Variants in DTNBP1 observed in about 807,000 individuals in gnomAD.
The protein encoded by DTNBP1 is dysbindin.
A neutral mutation model predicts 42.8 loss-of-function variants in DTNBP1; 35 were observed. The observed-to-expected ratio is 0.82, with a 90% CI of 0.63 to 1.09. DTNBP1 has a LOEUF of 1.09. Ranked by LOEUF, DTNBP1 falls within the 50% of genes least tolerant of loss-of-function variation. The probability of loss-of-function intolerance (pLI) is 0.00; values close to 1 mark genes in which losing one functional copy is unlikely to be tolerated. For missense variants in DTNBP1, 457 were observed against 424.2 expected (o/e 1.08, Z -0.68); for synonymous variants, 171 against 162.2 (o/e 1.05, Z -0.41).
At chr6:15,541,829 A>T (rs1397336847) in intron 7 of DTNBP1, among the ~76,000 whole-genome samples, 2 of 152,234 alleles carry the variant, frequency 1.3e-5, no homozygotes, top group African/African-American at 4.8e-5. Flanking sequence ...AGTTCATTTC[A>T]GGAACATATT....
chr6:15,524,121 G>A, intron 9 of DTNBP1: 1 of 1,358,764 alleles, frequency 7.4e-7, no homozygotes, highest in Non-Finnish European at 9.7e-7. Context: ...TTTGCCCATG[G>A]CAGGCACGCC....
chr6:15,652,412 C>T (rs901162773), intron 1 of DTNBP1, among the ~76,000 whole-genome samples: 2 of 151,988 alleles, frequency 1.3e-5, no homozygotes, highest in African/African-American at 4.8e-5. Context: ...ATACCCCATG[C>T]CTCAAATGAT....
intron 8 of DTNBP1, among the ~76,000 whole-genome samples, chr6:15,529,413 AGGT>A (rs1484217170): frequency 6.6e-6 from 1 of 152,266 alleles, no homozygotes; most frequent in Non-Finnish European, 1.5e-5. Context: ...ATCAAATTAG[AGGT>A]GAATATATCA....
intron 8 of DTNBP1, among the ~76,000 whole-genome samples, chr6:15,533,006 T>C (rs1044676424): frequency 2.5e-4 from 38 of 152,118 alleles, no homozygotes; most frequent in Admixed American, 4.6e-4. Context: ...GCTGTATCTG[T>C]AATCTTTAGA....
chr6:15,650,690 C>A (rs538698335), intron 3 of DTNBP1, among the ~76,000 whole-genome samples: 10 of 152,226 alleles, frequency 6.6e-5, no homozygotes, highest in East Asian at 5.8e-4. Flanking sequence ...CTATTCAACT[C>A]TTTTGCCTAT....
chr6:15,630,904 G>A (rs993112143), intron 4 of DTNBP1, among the ~76,000 whole-genome samples: 3 of 152,272 alleles, frequency 2.0e-5, no homozygotes, highest in East Asian at 3.9e-4. Flanking sequence ...GAGACAGATC[G>A]AGACTCCGTC....
At chr6:15,540,488 T>C (rs1489840342) in intron 7 of DTNBP1, among the ~76,000 whole-genome samples, 1 of 152,218 alleles carries the variant, frequency 6.6e-6, no homozygotes, top group Non-Finnish European at 1.5e-5. Context: ...TAAAAAACAT[T>C]TTTCTCAAGA....
chr6:15,662,543 C>T (rs1761706346), intron 1 of DTNBP1, among the ~76,000 whole-genome samples: 2 of 152,222 alleles, frequency 1.3e-5, no homozygotes, highest in South Asian at 4.1e-4. Context: ...CGCAGGGTCC[C>T]ACACCCCCCC....
chr6:15,550,973 A>C (rs993768511), intron 7 of DTNBP1, among the ~76,000 whole-genome samples: 2 of 152,226 alleles, frequency 1.3e-5, no homozygotes, highest in Non-Finnish European at 2.9e-5. Context: ...GATTTCACCA[A>C]TTAGAGATTA....
At chr6:15,542,307 T>C (rs1773613177) in intron 7 of DTNBP1, among the ~76,000 whole-genome samples, 1 of 152,216 alleles carries the variant, frequency 6.6e-6, no homozygotes, top group Non-Finnish European at 1.5e-5. Flanking sequence ...ACATAACCAC[T>C]AGAAGACATT....
intron 7 of DTNBP1, chr6:15,585,658 T>C: frequency 1.3e-6 from 2 of 1,516,732 alleles, no homozygotes; most frequent in South Asian, 1.2e-5. Flanking sequence ...TATCCAGGCA[T>C]GGAAATAAAC....
intron 7 of DTNBP1, among the ~76,000 whole-genome samples, chr6:15,552,639 A>G (rs1307595082): frequency 1.3e-5 from 2 of 152,208 alleles, no homozygotes; most frequent in Non-Finnish European, 2.9e-5. Flanking sequence ...TCTTGAAAAA[A>G]AGACAGCAAG....
At chr6:15,563,843 C>T (rs1382006678) in intron 7 of DTNBP1, among the ~76,000 whole-genome samples, 8 of 152,200 alleles carry the variant, frequency 5.3e-5, no homozygotes, top group African/African-American at 1.2e-4. Context: ...CCGAGGTTCC[C>T]GCGGTGGAAC....
rs1562022224 is a variant in DTNBP1 at position 15,662,924 on chromosome 6, GC to G, written c.-56del. 6 of 1,596,660 alleles carry G rather than the reference GC, an allele frequency of 3.8e-6. No homozygotes were observed. Among genetic ancestry groups the G allele is most frequent in the Admixed American group, 3.3e-5 (2 of 59,908 alleles). ...GCCTCGGGCTGCTGCTGCCTCTGTCGCCCCCTGGGTCCCACGCCGCCAACCC... is the reference window on the plus strand; with the variant it reads ...GCCTCGGGCTGCTGCTGCCTCTGTCGCCCCTGGGTCCCACGCCGCCAACCC... On this transcript the variant is annotated 5_prime_UTR_variant, in exon 1 of 10. Coordinates refer to ENST00000344537, the MANE Select transcript of DTNBP1 (RefSeq NM_032122.5).
intron 7 of DTNBP1, among the ~76,000 whole-genome samples, chr6:15,535,452 G>A (rs576890655): frequency 2.4e-4 from 36 of 152,212 alleles, no homozygotes; most frequent in Middle Eastern, 3.4e-3. Flanking sequence ...AAGTAGCTGG[G>A]ATTACAGGAG....
intron 5 of DTNBP1, among the ~76,000 whole-genome samples, chr6:15,617,826 A>G (rs1229513608): frequency 6.6e-6 from 1 of 152,200 alleles, no homozygotes; most frequent in Non-Finnish European, 1.5e-5. Context: ...CAAAGATTTT[A>G]TGGAGAAGAC....
chr6:15,568,884 T>C, intron 7 of DTNBP1, among the ~76,000 whole-genome samples: 1 of 152,208 alleles, frequency 6.6e-6, no homozygotes, highest in East Asian at 1.9e-4. Flanking sequence ...AGGCTATTAG[T>C]AGTTAAGTTT....
intron 7 of DTNBP1, among the ~76,000 whole-genome samples, chr6:15,566,246 C>T (rs922413541): frequency 2.2e-4 from 32 of 142,992 alleles, no homozygotes; most frequent in Non-Finnish European, 4.2e-4. Flanking sequence ...ACCCGGGAGG[C>T]GGAGCTTGCA....
At chr6:15,656,387 G>A (rs867058968) in intron 1 of DTNBP1, among the ~76,000 whole-genome samples, 8 of 152,214 alleles carry the variant, frequency 5.3e-5, no homozygotes, top group Admixed American at 1.3e-4. Flanking sequence ...TCGTCATAAA[G>A]TTCAATAATT....
Sources: allele counts gnomAD v4.1 joint callset (sites outside exome capture counted in the v4.1 genomes callset), GRCh38; gene constraint gnomAD v4.1.1; transcripts MANE v1.5; gene names NCBI Gene and HGNC (gene_info 2026-07-23, HGNC 2026-07-21).